Variants in CA10 observed in about 807,000 individuals in gnomAD.
The protein encoded by CA10 is carbonic anhydrase-related protein 10.
In CA10, 14 loss-of-function variants were observed where a neutral mutation model predicts 44.2. That is an observed-to-expected ratio of 0.32 (90% CI 0.21 to 0.50). The LOEUF (loss-of-function observed/expected upper bound fraction) is 0.50, where lower values mean the gene tolerates loss of function less well. Among genes scored for constraint, CA10 ranks in the 20% least tolerant of loss-of-function variants. The pLI is 0.99. For synonymous variants in CA10, 159 were observed against 141.6 expected (o/e 1.12, Z -0.87); for missense variants, 350 against 409.7 (o/e 0.85, Z 1.26).
chr17:52,019,242 G>A (rs939336905), intron 2 of CA10, among the ~76,000 whole-genome samples: 2 of 151,974 alleles, frequency 1.3e-5, no homozygotes, highest in Non-Finnish European at 2.9e-5. Flanking sequence ...ACATTTTAGT[G>A]GTTTAAAATT....
At chr17:52,096,422 T>C (rs955240697) in intron 1 of CA10, among the ~76,000 whole-genome samples, 3 of 152,106 alleles carry the variant, frequency 2.0e-5, no homozygotes, top group Non-Finnish European at 4.4e-5. Flanking sequence ...TCCCCATCTT[T>C]AGAGAAAAAG....
At chr17:52,054,047 C>T (rs910592685) in intron 2 of CA10, among the ~76,000 whole-genome samples, 9 of 151,488 alleles carry the variant, frequency 5.9e-5, no homozygotes, top group Non-Finnish European at 4.4e-5. Flanking sequence ...CTGGGCACCT[C>T]GAAAAAAGAA....
At chr17:51,711,490 A>AT (rs1041710444) in intron 4 of CA10, among the ~76,000 whole-genome samples, 4 of 152,182 alleles carry the variant, frequency 2.6e-5, no homozygotes, top group Admixed American at 1.3e-4. Context: ...TGAAACACAG[A>AT]TTTTTTTTCA....
At chr17:51,689,052 C>A (rs1363492760) in intron 4 of CA10, among the ~76,000 whole-genome samples, 1 of 152,144 alleles carries the variant, frequency 6.6e-6, no homozygotes, top group Non-Finnish European at 1.5e-5. Flanking sequence ...AGATTAAAAC[C>A]TGGGCGTTTC....
intron 2 of CA10, among the ~76,000 whole-genome samples, chr17:51,954,850 G>T (rs1567898571): frequency 6.6e-6 from 1 of 152,190 alleles, no homozygotes; most frequent in Non-Finnish European, 1.5e-5. Flanking sequence ...AAAAGAGGTT[G>T]CGTGTCGAGG....
At chr17:51,920,411 G>A (rs577347460) in intron 3 of CA10, among the ~76,000 whole-genome samples, 3 of 152,114 alleles carry the variant, frequency 2.0e-5, no homozygotes, top group African/African-American at 7.2e-5. Context: ...AAAAGAAAAG[G>A]CTAAGAGAGT....
chr17:52,003,155 T>C (rs1271130979), intron 2 of CA10, among the ~76,000 whole-genome samples: 1 of 151,970 alleles, frequency 6.6e-6, no homozygotes, highest in Non-Finnish European at 1.5e-5. Context: ...TATAGTCCCA[T>C]TAACCTGTGG....
intron 3 of CA10, among the ~76,000 whole-genome samples, chr17:51,764,525 CTG>C (rs1905300449): frequency 1.3e-5 from 2 of 152,294 alleles, no homozygotes; most frequent in South Asian, 4.1e-4. Flanking sequence ...ATGCAATGGA[CTG>C]TGTGATACAT....
intron 3 of CA10, among the ~76,000 whole-genome samples, chr17:51,903,796 G>T (rs901201586): frequency 3.9e-5 from 6 of 152,090 alleles, no homozygotes; most frequent in Non-Finnish European, 8.8e-5. Flanking sequence ...AAATATTCTG[G>T]CAGGCAGAGA....
intron 2 of CA10, among the ~76,000 whole-genome samples, chr17:52,024,437 G>A (rs561855059): frequency 6.6e-6 from 1 of 152,066 alleles, no homozygotes; most frequent in East Asian, 1.9e-4. Context: ...GAGAGTACTA[G>A]GGCAATGTGA....
chr17:51,880,226 G>C (rs11868732), intron 3 of CA10, among the ~76,000 whole-genome samples: 10,062 of 152,100 alleles, frequency 0.066, 655 homozygotes, highest in African/African-American at 0.17. Flanking sequence ...TATTCCTCCT[G>C]ACCAACCCTG....
At chr17:52,155,255 G>A (rs1019131875) in intron 1 of CA10, among the ~76,000 whole-genome samples, 1 of 152,188 alleles carries the variant, frequency 6.6e-6, no homozygotes, top group Non-Finnish European at 1.5e-5. Context: ...AGATGCTAAA[G>A]AGGTGCTTTG....
At chr17:52,135,346 A>G (rs1358731878) in intron 1 of CA10, among the ~76,000 whole-genome samples, 1 of 152,112 alleles carries the variant, frequency 6.6e-6, no homozygotes, top group Non-Finnish European at 1.5e-5. Flanking sequence ...TGGCCAGTCT[A>G]TGGAGAATGT....
intron 4 of CA10, among the ~76,000 whole-genome samples, chr17:51,727,235 G>C (rs906740627): frequency 2.0e-5 from 3 of 152,160 alleles, no homozygotes; most frequent in African/African-American, 7.2e-5. Context: ...AGGAGGAAGG[G>C]AGTGGAGAGG....
intron 3 of CA10, among the ~76,000 whole-genome samples, chr17:51,919,798 C>T (rs758556401): frequency 1.3e-5 from 2 of 152,090 alleles, no homozygotes; most frequent in Non-Finnish European, 2.9e-5. Flanking sequence ...ACTACAGGTG[C>T]GCACCACCAC....
chr17:52,049,988 C>T (rs569063215), intron 2 of CA10, among the ~76,000 whole-genome samples: 1 of 152,160 alleles, frequency 6.6e-6, no homozygotes, highest in East Asian at 1.9e-4. Flanking sequence ...TGTAGCTTAG[C>T]AGCAATAGGC....
At chr17:51,945,813 C>T (rs567905984) in intron 2 of CA10, among the ~76,000 whole-genome samples, 1 of 152,240 alleles carries the variant, frequency 6.6e-6, no homozygotes, top group East Asian at 1.9e-4. Context: ...CTCCTGCTCC[C>T]CATGCAAGAT....
At chr17:52,095,832 G>A (rs564137706) in intron 1 of CA10, among the ~76,000 whole-genome samples, 4 of 152,216 alleles carry the variant, frequency 2.6e-5, no homozygotes, top group African/African-American at 4.8e-5. Context: ...TACGTATGCC[G>A]TTCAGTACCT....
At chr17:51,909,609 A>C (rs1043163034) in intron 3 of CA10, among the ~76,000 whole-genome samples, 1 of 152,168 alleles carries the variant, frequency 6.6e-6, no homozygotes, top group Non-Finnish European at 1.5e-5. Context: ...TCATCTATTC[A>C]GAGGACAAAG....
Sources: gnomAD v4.1 joint callset for allele counts (sites outside exome capture counted in the v4.1 genomes callset) on GRCh38, gnomAD v4.1.1 for gene constraint, MANE v1.5 for transcripts, NCBI Gene and HGNC (gene_info 2026-07-23, HGNC 2026-07-21) for gene names.